The following DHX30 variants were observed in gnomAD, a reference collection of about 807,000 sequenced individuals.
DHX30 encodes the protein DExH-box helicase 30.
DHX30 carries 4 observed loss-of-function variants against 116.9 expected under a neutral mutation model. That is an observed-to-expected ratio of 0.03 (90% CI 0.02 to 0.08). The LOEUF (loss-of-function observed/expected upper bound fraction) is 0.08. Among genes scored for constraint, DHX30 ranks in the 10% least tolerant of loss-of-function variants. The probability of loss-of-function intolerance (pLI) is 1.00; values close to 1 mark genes in which losing one functional copy is unlikely to be tolerated. For missense variants in DHX30, 871 were observed against 1,595.1 expected (o/e 0.55, Z 7.73); for synonymous variants, 697 against 651.7 (o/e 1.07, Z -1.06).
chr3:47,816,583 C>G lies in DHX30; in HGVS notation c.29-1439C>G, dbSNP rs1044075593. 2.8e-5 allele frequency: 27 copies of G among 977,292 alleles called. No homozygotes were observed. In the African/African-American group the frequency reaches 4.2e-4, roughly 15 times the overall value. 60.5% of individuals were successfully genotyped at this position (977,292 alleles called of 1,614,324 possible). ...ATGTTGGCCAGGATGGTCTCGATCT[C>G]TTGACCTTGTGATCCGCTGGCCTCA... On this transcript the variant is annotated intron_variant, in intron 3 of 21. Transcript: ENST00000445061.
chr3:47,812,192 A>G (rs1348370693), intron 3 of DHX30, among the ~76,000 whole-genome samples: 6 of 151,246 alleles, frequency 4.0e-5, no homozygotes, highest in African/African-American at 1.2e-4. Context: ...GTGCCATTGC[A>G]CTCCAGCCTG....
chr3:47,820,270 C>T (rs2036239799), intron 4 of DHX30, among the ~76,000 whole-genome samples: 1 of 151,760 alleles, frequency 6.6e-6, no homozygotes, highest in Non-Finnish European at 1.5e-5. Flanking sequence ...GCTGAGATCG[C>T]ACCACTACAC....
At chr3:47,843,492 C>T (rs1483867058) in intron 9 of DHX30, among the ~76,000 whole-genome samples, 1 of 152,212 alleles carries the variant, frequency 6.6e-6, no homozygotes, top group Non-Finnish European at 1.5e-5. Flanking sequence ...CACTGTTGGC[C>T]TGAACCTGGT....
intron 2 of DHX30, among the ~76,000 whole-genome samples, chr3:47,808,443 C>T (rs1474731014): frequency 1.3e-5 from 2 of 151,608 alleles, no homozygotes; most frequent in Non-Finnish European, 2.9e-5. Context: ...GTCTTGAACT[C>T]CTGGTCTCAA....
chr3:47,835,150 T>A (rs1292599463), intron 6 of DHX30, among the ~76,000 whole-genome samples: 1 of 151,496 alleles, frequency 6.6e-6, no homozygotes, highest in Non-Finnish European at 1.5e-5. Context: ...ATTACAGGCA[T>A]GTGCCATCAT....
rs565464764 is a variant in DHX30, at chr3:47,826,997, T to C, written c.125-350T>C. ...TGTATTTTTTGCTTGCTTGTTTGTT[T>C]AGTGTCTTCTTTCAGACATCAGACT... On this transcript the variant is annotated intron_variant, in intron 4 of 21. Coordinates refer to ENST00000445061, the MANE Select transcript of DHX30 (RefSeq NM_138615.3). Among the ~76,000 whole-genome samples the C allele has an allele frequency of 9.8e-5, 15 of 152,294 alleles. No homozygotes were observed. In the East Asian group the frequency reaches 2.3e-3, roughly 23 times the overall value.
At chr3:47,810,525 G>A in intron 2 of DHX30, 132 bp from the exon 3 acceptor site, 1 of 690,154 alleles carries the variant, frequency 1.4e-6, no homozygotes, top group East Asian at 2.7e-5. Flanking sequence ...GGGAGCAGCA[G>A]TTGGGGCTCA....
chr3:47,806,280 A>G (rs2106923675), intron 2 of DHX30, among the ~76,000 whole-genome samples: 1 of 149,576 alleles, frequency 6.7e-6, no homozygotes, highest in East Asian at 2.0e-4. Flanking sequence ...AGTAGCTGGG[A>G]TTACAGGTGC....
chr3:47,816,356 CTTTTTTTTTTTT>C (rs200180200), intron 3 of DHX30: 1 of 815,402 alleles, frequency 1.2e-6, no homozygotes, highest in Admixed American at 8.2e-5. Flanking sequence ...GAGCCGTCTT[CTTTTTTTTTTTT>C]TTTTTTTTAA....
chr3:47,829,314 A>ATATATATATATATATT (rs1177077114), intron 6 of DHX30, among the ~76,000 whole-genome samples, 180 bp downstream of exon 6: 1 of 34,186 alleles, frequency 2.9e-5, no homozygotes, highest in African/African-American at 1.1e-4. Flanking sequence ...ATATATATAT[A>ATATATATATATATATT]TTTTTTTTTT....
chr3:47,849,480 G>A lies in DHX30; in HGVS notation c.3117G>A (p.Gly1039=), dbSNP rs73087115. The A allele has an allele frequency of 3.8e-6, 6 of 1,580,690 alleles. No individual in the cohort carries two copies. The highest frequency in any genetic ancestry group is 1.7e-5 in the Admixed American group (1 of 57,810). Residue 1039 remains glycine (G), a synonymous_variant, in exon 20 of 22, where the codon GGG becomes GGA. Coordinates refer to ENST00000445061, the MANE Select transcript of DHX30 (RefSeq NM_138615.3). ...GGCAGGGCAAGGTCACCCGGCAGGG[G>A]AAGTTCAAGCCCAACAGCGTCACAT... The part of the protein sequence containing the change: ...QVRQGKVTRQ[G]KFKPNSVTYR...
rs555998623 is a variant in DHX30 at position 47,833,316 on chromosome 3, C to G, written c.366+4182C>G. On this transcript the variant is annotated intron_variant, in intron 6 of 21. Transcript: ENST00000445061. ...GAAGTAGGCGGATCACTTGAGTCCA[C>G]GAGTTTGAGACAAGCCTGGGCAACA... Among the ~76,000 whole-genome samples, 5 of 151,496 alleles carry G rather than the reference C, an allele frequency of 3.3e-5. No homozygotes were observed. In the South Asian group the frequency reaches 1.0e-3, roughly 32 times the overall value.
chr3:47,812,783 C>T (rs1218600792), intron 3 of DHX30, among the ~76,000 whole-genome samples: 2 of 150,772 alleles, frequency 1.3e-5, no homozygotes, highest in Non-Finnish European at 3.0e-5. Flanking sequence ...CCTGCCTCAG[C>T]CTCCCGAGTA....
chr3:47,823,996 C>CTTTTTTTTTTTTT (rs759550719), intron 4 of DHX30, among the ~76,000 whole-genome samples: 8 of 100,378 alleles, frequency 8.0e-5, no homozygotes, highest in Non-Finnish European at 9.8e-5. Context: ...TTTTCTTTTC[C>CTTTTTTTTTTTTT]TTTTTTTTTT....
At chr3:47,839,262 A>C (rs1356940732) in intron 6 of DHX30, among the ~76,000 whole-genome samples, 1 of 151,434 alleles carries the variant, frequency 6.6e-6, no homozygotes, top group East Asian at 1.9e-4. Flanking sequence ...TATTCCTAAC[A>C]TAGGATTCTT....
chr3:47,810,627 C>A (rs1308944672), intron 2 of DHX30, 30 bp from the exon 3 acceptor site: 4 of 1,579,798 alleles, frequency 2.5e-6, no homozygotes, highest in African/African-American at 1.3e-5. Flanking sequence ...GGAATATTAA[C>A]CATTGCCTCT....
intron 9 of DHX30, 67 bp downstream of exon 9, chr3:47,843,322 A>G (rs2037461653): frequency 6.3e-7 from 1 of 1,589,678 alleles, no homozygotes; most frequent in East Asian, 2.2e-5. Flanking sequence ...GCCAGTGGCA[A>G]ATGGGTCCCA....
intron 8 of DHX30, 113 bp downstream of exon 8, chr3:47,841,850 C>A: frequency 1.4e-6 from 2 of 1,471,966 alleles, no homozygotes; most frequent in Non-Finnish European, 1.9e-6. Flanking sequence ...CAGCCCAAAC[C>A]TAGGCCAGGT....
At chr3:47,803,328 G>T in intron 1 of DHX30, 116 bp downstream of exon 1, 1 of 382,844 alleles carries the variant, frequency 2.6e-6, no homozygotes, top group Non-Finnish European at 4.6e-6. Context: ...GGAGAGTGGG[G>T]CGGAGACGCC....
Sources: allele counts gnomAD v4.1 joint callset (sites outside exome capture counted in the v4.1 genomes callset), GRCh38; gene constraint gnomAD v4.1.1; transcripts MANE v1.5; gene names NCBI Gene and HGNC (gene_info 2026-07-23, HGNC 2026-07-21).